The following YAE1 variants were observed in gnomAD, a reference collection of about 807,000 sequenced individuals.
YAE1 encodes the protein protein YAE1 homolog.
Under a neutral mutation model 23.0 loss-of-function variants are expected in YAE1, and 22 were observed. The ratio of observed to expected loss-of-function variants is 0.96; its 90% CI spans 0.68 to 1.37. The LOEUF is 1.37. Ranked by LOEUF, YAE1 falls within the 40% of genes most tolerant of loss-of-function variation. The pLI is 0.00. For missense variants in YAE1, 260 were observed against 262.1 expected, an observed-to-expected ratio of 0.99 and a Z score of 0.06; for synonymous variants, 101 against 97.0, an observed-to-expected ratio of 1.04 and a Z score of -0.24.
In YAE1 at chr7:39,581,351, G is replaced by A. The variant is rs185410906; in HGVS notation, c.251+10724G>A. Among the ~76,000 whole-genome samples, 492 of 152,274 alleles carry A rather than the reference G, an allele frequency of 3.2e-3. 7 individuals carry two copies. The highest frequency in any genetic ancestry group is 0.029 in the Admixed American group (446 of 15,294). ...AAACAAATGAGTTGTCAAATTGCTTGTAATAATGAAATATGAGAGATTTGA... is the reference window on the plus strand; with the variant it reads ...AAACAAATGAGTTGTCAAATTGCTTATAATAATGAAATATGAGAGATTTGA... On this transcript the variant is annotated intron_variant, in intron 2 of 2. Coordinates refer to the YAE1 transcript ENST00000432096.
rs139384714 is a variant in YAE1 at position 39,572,625 on chromosome 7, A to T, written c.600A>T (p.Thr200=). 6.2e-7 allele frequency: 1 copy of T among 1,613,938 alleles called. No individual in the cohort carries two copies. Among genetic ancestry groups the T allele is most frequent in the Non-Finnish European group, 8.5e-7 (1 of 1,179,954 alleles). The change falls in exon 3 of 3, where the codon ACA becomes ACT. Residue 200 remains threonine (T), a synonymous_variant. Transcript: ENST00000223273. ...CACATTCAGAAAACCCAAGCCCCACATGGATTTTGGAACAGACAGCCAGTT... is the reference window on the plus strand; with the variant it reads ...CACATTCAGAAAACCCAAGCCCCACTTGGATTTTGGAACAGACAGCCAGTT... ...EHAHSENPSP[T]WILEQTASLV...
intron 2 of YAE1, among the ~76,000 whole-genome samples, chr7:39,593,492 C>T (rs1237708120): frequency 6.6e-6 from 1 of 152,162 alleles, no homozygotes; most frequent in Non-Finnish European, 1.5e-5. Context: ...AAGTGATCCG[C>T]CTGCCCTGGC....
At chr7:39,584,647 A>G (rs1274890363) in intron 2 of YAE1, among the ~76,000 whole-genome samples, 1 of 152,160 alleles carries the variant, frequency 6.6e-6, no homozygotes, top group Admixed American at 6.5e-5. Flanking sequence ...AACGAGATGT[A>G]GAGTTTATTG....
At chr7:39,598,784 C>T (rs1343301657) in intron 2 of YAE1, among the ~76,000 whole-genome samples, 1 of 77,216 alleles carries the variant, frequency 1.3e-5, no homozygotes, top group African/African-American at 3.4e-5. Flanking sequence ...GGTCCTGTCT[C>T]AAAAAAAAAA....
chr7:39,567,756 A>G (rs1790496575), intron 1 of YAE1, among the ~76,000 whole-genome samples: 1 of 152,136 alleles, frequency 6.6e-6, no homozygotes, highest in Non-Finnish European at 1.5e-5. Context: ...TTTAAAGAAA[A>G]CTTGTACATT....
intron 2 of YAE1, among the ~76,000 whole-genome samples, chr7:39,583,441 C>G (rs1583674557): frequency 6.6e-6 from 1 of 152,206 alleles, no homozygotes; most frequent in South Asian, 2.1e-4. Context: ...AAATCATACT[C>G]ATAAGTCACT....
intron 1 of YAE1, chr7:39,567,072 A>G (rs1790482173): frequency 1.3e-5 from 2 of 152,348 alleles, no homozygotes; most frequent in South Asian, 4.1e-4. Context: ...TATTTGTTAG[A>G]TGTAACTTTT....
At chr7:39,584,940 A>G (rs1450969017) in intron 2 of YAE1, among the ~76,000 whole-genome samples, 1 of 152,198 alleles carries the variant, frequency 6.6e-6, no homozygotes, top group Non-Finnish European at 1.5e-5. Context: ...GCCTCCACCT[A>G]GCAAAACTCC....
At chr7:39,572,135 G>A (rs1790576529) in intron 2 of YAE1, 142 bp from the exon 3 acceptor site, 1 of 852,420 alleles carries the variant, frequency 1.2e-6, no homozygotes, top group African/African-American at 1.7e-5. Flanking sequence ...ATCAGGAAAA[G>A]CGTATATAGA....
At chr7:39,580,242 G>A (rs938440438) in intron 2 of YAE1, among the ~76,000 whole-genome samples, 3 of 152,236 alleles carry the variant, frequency 2.0e-5, no homozygotes, top group Admixed American at 6.5e-5. Flanking sequence ...TCCTCCAAAC[G>A]GGAAGATAGT....
intron 2 of YAE1, among the ~76,000 whole-genome samples, chr7:39,584,592 A>T (rs991146702): frequency 6.6e-6 from 1 of 152,122 alleles, no homozygotes. Context: ...TCCTGTGGGG[A>T]TGGCACTGTG....
intron 2 of YAE1, 177 bp downstream of exon 2, chr7:39,570,804 T>C (rs1790552894): frequency 1.4e-6 from 1 of 696,768 alleles, no homozygotes; most frequent in African/African-American, 1.9e-5. Context: ...TCAGCTCATC[T>C]ACTTTAATGT....
intron 2 of YAE1, among the ~76,000 whole-genome samples, chr7:39,587,698 T>G (rs1208217544): frequency 1.3e-5 from 2 of 152,236 alleles, no homozygotes; most frequent in Admixed American, 1.3e-4. Context: ...TGTATCAAAA[T>G]ACATATTTTG....
chr7:39,600,102 C>T (rs186503879), intron 2 of YAE1, among the ~76,000 whole-genome samples: 5 of 152,058 alleles, frequency 3.3e-5, no homozygotes, highest in Non-Finnish European at 7.4e-5. Flanking sequence ...GAGTAAGGAC[C>T]GTATCCAATT....
chr7:39,603,886 A>C (rs563970845), intron 2 of YAE1, among the ~76,000 whole-genome samples: 2 of 152,344 alleles, frequency 1.3e-5, no homozygotes, highest in East Asian at 3.9e-4. Context: ...ATTCAAAGAA[A>C]TATCGAGAGG....
rs1052064300 is a variant in YAE1 at position 39,572,718 on chromosome 7, C to T, written c.*12C>T. The T allele has an allele frequency of 1.0e-5, 16 of 1,550,032 alleles. No individual in the cohort carries two copies. In the Admixed American group the frequency reaches 2.6e-4, roughly 25 times the overall value. On this transcript the variant is annotated 3_prime_UTR_variant, in exon 3 of 3. Coordinates refer to ENST00000223273, the MANE Select transcript of YAE1 (RefSeq NM_020192.5). Reference sequence around the variant, plus strand: ...TCAAACAACTATAAAATTACCTTCCCTTTTCTAATGAAAATAATGTTCAGA... The same window carrying T: ...TCAAACAACTATAAAATTACCTTCCTTTTTCTAATGAAAATAATGTTCAGA...
At chr7:39,594,514 T>A (rs56211944) in intron 2 of YAE1, among the ~76,000 whole-genome samples, 51,150 of 152,070 alleles carry the variant, frequency 0.34, 8,956 homozygotes, top group East Asian at 0.42. Context: ...GCCTTCATTT[T>A]TTTTTTATTG....
chr7:39,605,785 C>T (rs1452670130), intron 2 of YAE1, among the ~76,000 whole-genome samples: 1 of 152,144 alleles, frequency 6.6e-6, no homozygotes, highest in Non-Finnish European at 1.5e-5. Flanking sequence ...GGGCTGAGAA[C>T]TTCTCCCAAA....
intron 1 of YAE1, chr7:39,569,889 T>C (rs1790537074): frequency 9.0e-7 from 1 of 1,105,832 alleles, no homozygotes; most frequent in Admixed American, 1.7e-5. Context: ...TTTACAATGA[T>C]AAATAGTAGG....
Sources: gnomAD v4.1 joint callset for allele counts (sites outside exome capture counted in the v4.1 genomes callset) on GRCh38, gnomAD v4.1.1 for gene constraint, MANE v1.5 for transcripts, NCBI Gene and HGNC (gene_info 2026-07-23, HGNC 2026-07-21) for gene names.